The following MIDEAS variants were observed in gnomAD, a reference collection of about 807,000 sequenced individuals.
MIDEAS encodes the protein mitotic deacetylase-associated SANT domain protein.
A neutral mutation model predicts 102.7 loss-of-function variants in MIDEAS; 26 were observed. The observed-to-expected ratio is 0.25, with a 90% confidence interval of 0.19 to 0.35. The LOEUF (loss-of-function observed/expected upper bound fraction) is 0.35, where lower values mean the gene tolerates loss of function less well. MIDEAS is among the 10% of genes least tolerant of loss of function. The pLI is 1.00. For missense variants in MIDEAS, 1,231 were observed against 1,435.6 expected (o/e 0.86, Z 2.30); for synonymous variants, 585 against 591.0 (o/e 0.99, Z 0.15).
chr14:73,742,843 T>C lies in MIDEAS; in HGVS notation c.-247-2588A>G, dbSNP rs901632464. Among the ~76,000 whole-genome samples, 2 of 151,786 alleles carry C rather than the reference T, an allele frequency of 1.3e-5. No individual in the cohort carries two copies. The highest frequency in any genetic ancestry group is 2.9e-5 in the Non-Finnish European group (2 of 67,916). On this transcript the variant is annotated intron_variant, in intron 1 of 12. Transcript: ENST00000423556. The surrounding 1 kb of genome is among the most constrained non-coding windows in gnomAD (Gnocchi z 4.4). Reference sequence around the variant, plus strand: ...GATACTGGCAGCCTGGGAGGAAGGGTGAAGAGGCACACCTAGGCAGCAGGG... The same window carrying C: ...GATACTGGCAGCCTGGGAGGAAGGGCGAAGAGGCACACCTAGGCAGCAGGG...
chr14:73,739,973 C>T lies in MIDEAS; in HGVS notation c.36G>A (p.Lys12=), dbSNP rs2053263164. The T allele has an allele frequency of 2.0e-6, 3 of 1,510,688 alleles. No homozygotes were observed. The highest frequency in any genetic ancestry group is 2.7e-6 in the Non-Finnish European group (3 of 1,129,530). 93.6% of individuals were successfully genotyped at this position (1,510,688 alleles called of 1,614,324 possible). Residue 12 remains lysine, a synonymous_variant, in exon 2 of 13, where the codon AAG becomes AAA. Transcript: ENST00000423556. The part of the protein sequence containing the change: ...NLQAQPKAQN[K]RKRCLFGGQE... ...GGCCCCCGAAGAGGCAACGCTTCCG[C>T]TTGTTCTGAGCCTTGGGCTGGGCCT...
Position 73,742,274 on chromosome 14 carries a change from C to T in MIDEAS, c.-247-2019G>A, listed in dbSNP as rs1397404548. Reference sequence around the variant, plus strand: ...GCTCACACACACTCACGCCTCCCTTCATCACAGCCCTGTCTCCTTGTGAGC... The same window carrying T: ...GCTCACACACACTCACGCCTCCCTTTATCACAGCCCTGTCTCCTTGTGAGC... On this transcript the variant is annotated intron_variant, in intron 1 of 12. Transcript: ENST00000423556. This position sits in a 1 kb window ranked among gnomAD's most constrained non-coding sequence, Gnocchi z 4.4. Among the ~76,000 whole-genome samples, 1 of 152,256 alleles carries T rather than the reference C, an allele frequency of 6.6e-6. No individual in the cohort carries two copies. The highest frequency in any genetic ancestry group is 2.4e-5 in the African/African-American group (1 of 41,472).
At chr14:73,719,642 G>A (rs2052956244) in intron 11 of MIDEAS, 141 bp from the exon 12 acceptor site, 1 of 763,290 alleles carries the variant, frequency 1.3e-6, no homozygotes, top group Non-Finnish European at 2.1e-6. Flanking sequence ...GGTCCTTCCA[G>A]GGATATGACG....
At chr14:73,755,927 T>G (rs1595284311) in intron 1 of MIDEAS, among the ~76,000 whole-genome samples, 2 of 152,236 alleles carry the variant, frequency 1.3e-5, no homozygotes, top group Non-Finnish European at 2.9e-5. Context: ...TCACTCTGCA[T>G]GCATAATCCT....
intron 3 of MIDEAS, among the ~76,000 whole-genome samples, chr14:73,733,972 C>T (rs904070314): frequency 5.9e-5 from 9 of 151,620 alleles, no homozygotes; most frequent in African/African-American, 1.5e-4. Context: ...AGATTACAGG[C>T]GTGAGCCAGG....
At chr14:73,767,502 G>A (rs921867956) in intron 1 of MIDEAS, among the ~76,000 whole-genome samples, 2 of 152,220 alleles carry the variant, frequency 1.3e-5, no homozygotes, top group African/African-American at 4.8e-5. Context: ...GCCAGGTGTG[G>A]TGGTATGCAC....
In MIDEAS at chr14:73,715,909, G is replaced by A. The variant is rs2052880222; in HGVS notation, c.*2934C>T. 1 of 152,494 alleles carries A rather than the reference G, an allele frequency of 6.6e-6. No individual in the cohort carries two copies. Among genetic ancestry groups the A allele is most frequent in the Admixed American group, 6.5e-5 (1 of 15,282 alleles). 9.4% of individuals were successfully genotyped at this position (152,494 alleles called of 1,614,324 possible). ...CTGTGAGGGGGGCTGCTGAAGGCAT[G>A]GAGGACAGTAATGACGGCTGTGCCT... On this transcript the variant is annotated 3_prime_UTR_variant, in exon 13 of 13. Coordinates refer to ENST00000423556, the MANE Select transcript of MIDEAS (RefSeq NM_001367710.1).
At chr14:73,743,140 C>G (rs1365036171) in intron 1 of MIDEAS, among the ~76,000 whole-genome samples, 1 of 152,132 alleles carries the variant, frequency 6.6e-6, no homozygotes, top group African/African-American at 2.4e-5. Flanking sequence ...AGATATGCCA[C>G]TAAGACCCCA....
intron 1 of MIDEAS, among the ~76,000 whole-genome samples, chr14:73,786,907 G>A (rs2140185930): frequency 6.6e-6 from 1 of 152,078 alleles, no homozygotes; most frequent in Admixed American, 6.5e-5. Context: ...CGGCAAAGCG[G>A]CGACAACACC....
intron 1 of MIDEAS, among the ~76,000 whole-genome samples, chr14:73,748,851 A>G (rs958621136): frequency 6.6e-6 from 1 of 152,228 alleles, no homozygotes; most frequent in African/African-American, 2.4e-5. Context: ...TATAATGAAC[A>G]AAGTGTCCGT....
At chr14:73,787,189 G>A (rs1353758130) in exon 1 of MIDEAS, 2 of 149,556 alleles carry the variant, frequency 1.3e-5, no homozygotes, top group Non-Finnish European at 1.5e-5. Context: ...CTCTCGGGAC[G>A]GCGCAGTCGT....
chr14:73,762,845 T>C (rs1482820725), upstream of MIDEAS, among the ~76,000 whole-genome samples: 1 of 152,140 alleles, frequency 6.6e-6, no homozygotes, highest in Non-Finnish European at 1.5e-5. Context: ...GAGCTCCAGT[T>C]ACCAGGGAGT....
At chr14:73,772,983 C>T (rs548756871) in intron 1 of MIDEAS, among the ~76,000 whole-genome samples, 268 of 152,066 alleles carry the variant, frequency 1.8e-3, no homozygotes, top group African/African-American at 5.6e-3. Flanking sequence ...GGGTTACAGG[C>T]GCGCACCACC....
At chr14:73,789,518 G>A (rs901778193), upstream of MIDEAS, among the ~76,000 whole-genome samples, 1 of 152,198 alleles carries the variant, frequency 6.6e-6, no homozygotes, top group Non-Finnish European at 1.5e-5. Context: ...CTGACCCACA[G>A]AAACTATAAG....
At chr14:73,748,264 A>G (rs2053378306) in intron 1 of MIDEAS, among the ~76,000 whole-genome samples, 1 of 152,240 alleles carries the variant, frequency 6.6e-6, no homozygotes, top group South Asian at 2.1e-4. Context: ...GGTTGGCAGA[A>G]TGGACTTTTA....
At chr14:73,784,825 C>G (rs949920825) in intron 1 of MIDEAS, among the ~76,000 whole-genome samples, 9 of 152,238 alleles carry the variant, frequency 5.9e-5, no homozygotes, top group African/African-American at 1.9e-4. Context: ...GCCAGACTTT[C>G]CAGAACTGTC....
chr14:73,772,927 C>T (rs1427036096), intron 1 of MIDEAS, among the ~76,000 whole-genome samples: 1 of 151,712 alleles, frequency 6.6e-6, no homozygotes, highest in Non-Finnish European at 1.5e-5. Flanking sequence ...GCAACCTCCA[C>T]CCCCCAGTTC....
At chr14:73,778,622 T>C (rs1057020557) in intron 1 of MIDEAS, among the ~76,000 whole-genome samples, 3 of 151,868 alleles carry the variant, frequency 2.0e-5, no homozygotes, top group South Asian at 4.2e-4. Context: ...AGACACATCT[T>C]GCTGGTCGAT....
Position 73,726,022 on chromosome 14 carries a change from G to T in MIDEAS, c.2485+11C>A. 1.3e-6 allele frequency: 2 copies of T among 1,583,488 alleles called. No individual in the cohort carries two copies. The highest frequency in any genetic ancestry group is 1.9e-5 in the Admixed American group (1 of 53,974). ...GGCTCCAGGCACCATGCCCACCGCA[G>T]CCAGGCCCACCTGTGTAGTGATAAG... On this transcript the variant is annotated intron_variant, in intron 8 of 12. Transcript: ENST00000423556.
Sources: gnomAD v4.1 joint callset for allele counts (sites outside exome capture counted in the v4.1 genomes callset) on GRCh38, gnomAD v4.1.1 for gene constraint, Gnocchi (gnomAD v3.1) non-coding constraint, MANE v1.5 for transcripts, NCBI Gene and HGNC (gene_info 2026-07-23, HGNC 2026-07-21) for gene names.